The following HPSE2 variants were observed in gnomAD, a reference collection of about 807,000 sequenced individuals.
HPSE2 encodes heparanase 2 (inactive), also known as inactive heparanase-2.
Under a neutral mutation model 60.5 loss-of-function variants are expected in HPSE2, and 38 were observed. That is an observed-to-expected ratio of 0.63 (90% confidence interval 0.48 to 0.82). The LOEUF is 0.82. Ranked by LOEUF, HPSE2 falls within the 40% of genes least tolerant of loss-of-function variation. HPSE2 has a pLI of 0.00. For synonymous variants in HPSE2, 295 were observed against 293.2 expected (o/e 1.01, Z -0.06); for missense variants, 713 against 740.4 (o/e 0.96, Z 0.43).
intron 3 of HPSE2, among the ~76,000 whole-genome samples, chr10:99,139,352 C>CG (rs1845780497): frequency 1.3e-5 from 2 of 152,064 alleles, no homozygotes; most frequent in South Asian, 4.2e-4. Flanking sequence ...ACTCAAGTGA[C>CG]GGGTGCACTA....
At chr10:99,030,873 A>C (rs7897717) in intron 3 of HPSE2, among the ~76,000 whole-genome samples, 118,527 of 152,058 alleles carry the variant, frequency 0.78, 46,519 homozygotes, top group East Asian at 0.86. Context: ...GTGAAATAAG[A>C]CAGGCACAGA....
chr10:98,545,061 G>T (rs1007541806), intron 9 of HPSE2, among the ~76,000 whole-genome samples: 3 of 152,150 alleles, frequency 2.0e-5, no homozygotes, highest in Non-Finnish European at 4.4e-5. Flanking sequence ...TAGAAGAAAT[G>T]GATAAATTCC....
At chr10:99,272,269 C>T in the HPSE2 span, among the ~76,000 whole-genome samples, 1 of 137,888 alleles carries the variant, frequency 7.3e-6, no homozygotes, top group Non-Finnish European at 1.6e-5. Context: ...GACTCCATCT[C>T]AAAAAAAAAA....
chr10:99,172,456 C>T (rs75041854), intron 2 of HPSE2, among the ~76,000 whole-genome samples: 18 of 152,148 alleles, frequency 1.2e-4, no homozygotes, highest in East Asian at 1.2e-3. Context: ...TCCTACAATA[C>T]GCCCTATATT....
At chr10:99,186,649 T>C (rs1251965964) in intron 2 of HPSE2, among the ~76,000 whole-genome samples, 1 of 142,424 alleles carries the variant, frequency 7.0e-6, no homozygotes, top group Non-Finnish European at 1.5e-5. Context: ...AAGAAAAAAA[T>C]GTTAACTCAA....
intron 9 of HPSE2, among the ~76,000 whole-genome samples, chr10:98,612,747 A>G (rs555262634): frequency 1.8e-4 from 27 of 152,330 alleles, no homozygotes; most frequent in African/African-American, 6.5e-4. Flanking sequence ...CATCTTTTAT[A>G]ACTAACATTT....
chr10:98,803,265 G>T (rs1950960649), intron 3 of HPSE2, among the ~76,000 whole-genome samples: 1 of 150,234 alleles, frequency 6.7e-6, no homozygotes, highest in South Asian at 2.1e-4. Flanking sequence ...CTCCCATTTT[G>T]TAGGTTGCCT....
chr10:98,991,744 G>A (rs1956529262), intron 3 of HPSE2, among the ~76,000 whole-genome samples: 1 of 152,044 alleles, frequency 6.6e-6, no homozygotes, highest in Non-Finnish European at 1.5e-5. Context: ...AAGAGAATAG[G>A]AGAATGCGTG....
At chr10:98,955,603 TA>T (rs1955488666) in intron 3 of HPSE2, among the ~76,000 whole-genome samples, 1 of 152,312 alleles carries the variant, frequency 6.6e-6, no homozygotes, top group African/African-American at 2.4e-5. Context: ...ATCCCATTAC[TA>T]GGTATATACC....
chr10:99,283,235 A>G, the HPSE2 span, among the ~76,000 whole-genome samples: 2 of 150,914 alleles, frequency 1.3e-5, no homozygotes, highest in Non-Finnish European at 2.9e-5. Flanking sequence ...TTTCAAATCA[A>G]TAACCTAAAC....
At chr10:99,286,115 T>C in the HPSE2 span, among the ~76,000 whole-genome samples, 1 of 152,126 alleles carries the variant, frequency 6.6e-6, no homozygotes, top group South Asian at 2.1e-4. Context: ...TCCTCATACA[T>C]AGCTAATGGG....
chr10:99,028,233 A>G (rs183521132), intron 3 of HPSE2, among the ~76,000 whole-genome samples: 1 of 152,332 alleles, frequency 6.6e-6, no homozygotes, highest in East Asian at 1.9e-4. Context: ...ACATGATCTT[A>G]TATTTGGAAA....
At chr10:98,833,392 T>A (rs1951725567) in intron 3 of HPSE2, among the ~76,000 whole-genome samples, 1 of 152,182 alleles carries the variant, frequency 6.6e-6, no homozygotes. Context: ...CTGAGCATGT[T>A]CTGAGGAATA....
chr10:98,805,211 A>G (rs1159449816), intron 3 of HPSE2, among the ~76,000 whole-genome samples: 2 of 152,134 alleles, frequency 1.3e-5, no homozygotes, highest in African/African-American at 2.4e-5. Flanking sequence ...TATTACTGGA[A>G]TGCTAAGCTG....
chr10:99,292,472 G>A, the HPSE2 span, among the ~76,000 whole-genome samples: 27 of 152,196 alleles, frequency 1.8e-4, no homozygotes, highest in African/African-American at 6.0e-4. Flanking sequence ...CCACATGCTC[G>A]GCACTGTGGT....
At chr10:98,473,354 A>G (rs1940858320) in intron 11 of HPSE2, among the ~76,000 whole-genome samples, 1 of 151,880 alleles carries the variant, frequency 6.6e-6, no homozygotes, top group South Asian at 2.1e-4. Context: ...TTTTGGTGAC[A>G]CGCACCTGTA....
At chr10:98,668,426 A>G (rs1947423938) in intron 6 of HPSE2, among the ~76,000 whole-genome samples, 1 of 152,206 alleles carries the variant, frequency 6.6e-6, no homozygotes, top group Non-Finnish European at 1.5e-5. Flanking sequence ...TAAAATTCAC[A>G]TGGAACCAAA....
At chr10:99,051,828 G>A (rs1208174811) in intron 3 of HPSE2, among the ~76,000 whole-genome samples, 1 of 151,898 alleles carries the variant, frequency 6.6e-6, no homozygotes, top group African/African-American at 2.4e-5. Flanking sequence ...TATGTCTCAG[G>A]ACTATAGATT....
At chr10:99,010,888 T>C (rs1956997396) in intron 3 of HPSE2, among the ~76,000 whole-genome samples, 1 of 152,312 alleles carries the variant, frequency 6.6e-6, no homozygotes, top group Admixed American at 6.5e-5. Context: ...CAGGGGTACA[T>C]GTGCAGGTTT....
Sources: allele counts gnomAD v4.1 joint callset (sites outside exome capture counted in the v4.1 genomes callset), GRCh38; gene constraint gnomAD v4.1.1; transcripts MANE v1.5; gene names NCBI Gene and HGNC (gene_info 2026-07-23, HGNC 2026-07-21).